Variants in RAI1 observed in about 807,000 individuals in gnomAD.
The protein encoded by RAI1 is retinoic acid induced 1.
RAI1 carries 9 observed loss-of-function variants against 123.8 expected under a neutral mutation model. That is an observed-to-expected ratio of 0.07 (90% CI 0.04 to 0.13). The LOEUF is 0.13. RAI1 is among the 10% of genes least tolerant of loss of function. RAI1 has a pLI of 1.00. For synonymous variants in RAI1, 1,231 were observed against 1,127.3 expected, an observed-to-expected ratio of 1.09 and a Z score of -1.84; for missense variants, 2,256 against 2,545.8, an observed-to-expected ratio of 0.89 and a Z score of 2.45.
chr17:17,767,164 G>A (rs2030970447), intron 2 of RAI1, among the ~76,000 whole-genome samples: 1 of 152,220 alleles, frequency 6.6e-6, no homozygotes, highest in Non-Finnish European at 1.5e-5. Flanking sequence ...AACGAGCCAG[G>A]TGGAAATGTC....
intron 1 of RAI1, among the ~76,000 whole-genome samples, chr17:17,720,110 G>C (rs1419334046): frequency 6.6e-6 from 1 of 152,130 alleles, no homozygotes; most frequent in African/African-American, 2.4e-5. Flanking sequence ...TCCACTGCCT[G>C]CATTCCCTAG....
At chr17:17,743,487 G>T (rs1045389694) in intron 2 of RAI1, among the ~76,000 whole-genome samples, 4 of 152,252 alleles carry the variant, frequency 2.6e-5, no homozygotes, top group African/African-American at 9.6e-5. Flanking sequence ...CTGAGTGGCA[G>T]CGTCCAGGAG....
At chr17:17,689,612 G>T (rs1914769274) in intron 1 of RAI1, among the ~76,000 whole-genome samples, 2 of 152,224 alleles carry the variant, frequency 1.3e-5, no homozygotes, top group Non-Finnish European at 2.9e-5. Flanking sequence ...CAGCTCTAAT[G>T]TAGCATAGTG....
At chr17:17,747,751 A>C (rs1274828837) in intron 2 of RAI1, among the ~76,000 whole-genome samples, 2 of 152,054 alleles carry the variant, frequency 1.3e-5, no homozygotes, top group African/African-American at 4.8e-5. Flanking sequence ...ACATGCAAAA[A>C]ACTTGAAAAG....
chr17:17,691,026 G>T (rs1231497831), intron 1 of RAI1, among the ~76,000 whole-genome samples: 2 of 152,202 alleles, frequency 1.3e-5, no homozygotes, highest in Non-Finnish European at 2.9e-5. Flanking sequence ...TAGGGAAAAT[G>T]AAATTTCTAC....
At chr17:17,718,417 TCA>T (rs1915776339) in intron 1 of RAI1, among the ~76,000 whole-genome samples, 1 of 152,238 alleles carries the variant, frequency 6.6e-6, no homozygotes, top group Non-Finnish European at 1.5e-5. Flanking sequence ...TGTTTTGCTC[TCA>T]GTTTCACATG....
In RAI1 at chr17:17,794,785, G is replaced by A. The variant is rs200955853; in HGVS notation, c.1837G>A (p.Gly613Arg). The A allele has an allele frequency of 9.2e-5, 149 of 1,612,958 alleles. 1 individual carries two copies. Among genetic ancestry groups the A allele is most frequent in the Non-Finnish European group, 1.9e-5 (22 of 1,180,014 alleles). ...AQEDLASEIL[G>R]LQEAIGEKAD... Reference sequence around the variant, plus strand: ...GGAGGACCTGGCCTCCGAGATCCTGGGGCTGCAGGAAGCCATCGGTGAGAA... The same window carrying A: ...GGAGGACCTGGCCTCCGAGATCCTGAGGCTGCAGGAAGCCATCGGTGAGAA... Residue 613 changes from glycine to arginine, a missense_variant, in exon 3 of 6, where the codon GGG becomes AGG. Gly to Arg is a moderately radical substitution (Grantham distance 125). Transcript: ENST00000353383.
rs752806351 is a variant in RAI1 at position 17,793,061 on chromosome 17, T to G, written c.113T>G (p.Leu38Arg). 6.2e-7 allele frequency: 1 copy of G among 1,614,160 alleles called. No individual in the cohort carries two copies. The highest frequency in any genetic ancestry group is 1.1e-5 in the South Asian group (1 of 91,080). ...TACAGGCAGCCGAGTCAGGCCGGGC[T>G]AAGCTGCGACCGGCAGCGGCTGCTC... ...ENYRQPSQAG[L>R]SCDRQRLLAK... Residue 38 changes from leucine to arginine, a missense_variant, in exon 3 of 6, where the codon CTA becomes CGA. Transcript: ENST00000353383.
intron 1 of RAI1, among the ~76,000 whole-genome samples, chr17:17,710,768 C>T (rs1444061717): frequency 2.6e-5 from 4 of 152,230 alleles, no homozygotes; most frequent in Non-Finnish European, 4.4e-5. Context: ...TGAGACAGAG[C>T]CCTCTGGGAA....
intron 1 of RAI1, among the ~76,000 whole-genome samples, chr17:17,696,899 G>A (rs928730251): frequency 1.3e-5 from 2 of 152,208 alleles, no homozygotes; most frequent in African/African-American, 4.8e-5. Context: ...GCCCCTTGTC[G>A]ATCCTGTGAC....
chr17:17,710,886 C>T, intron 1 of RAI1, among the ~76,000 whole-genome samples: 1 of 152,208 alleles, frequency 6.6e-6, no homozygotes, highest in East Asian at 1.9e-4. Flanking sequence ...CATAAGCTAG[C>T]CAGCCTCGTA....
Position 17,794,085 on chromosome 17 carries a change from C to G in RAI1, c.1137C>G (p.Thr379=). Residue 379 remains threonine (T), a synonymous_variant, in exon 3 of 6, where the codon ACC becomes ACG. Transcript: ENST00000353383. ...CCTACAGCCAGCAGCCGCTCAGCAC[C>G]GGGGCCTTCCCCGCAGGGATCACTG... The part of the protein sequence containing the change: ...NFPYSQQPLS[T]GAFPAGITDH... The G allele has an allele frequency of 6.2e-7, 1 of 1,614,066 alleles. No homozygotes were observed. The highest frequency in any genetic ancestry group is 2.2e-5 in the East Asian group (1 of 44,878).
In RAI1 at chr17:17,793,121, G is replaced by T. The variant is rs1488017236; in HGVS notation, c.173G>T (p.Ser58Ile). Residue 58 changes from serine (S) to isoleucine (I), a missense_variant, in exon 3 of 6, where the codon AGC (serine) becomes ATC (isoleucine). Physicochemically the swap from Ser to Ile is moderately radical, Grantham distance 142. Coordinates refer to ENST00000353383, the MANE Select transcript of RAI1 (RefSeq NM_030665.4). ...KDYYNPQPYP[S>I]YEGGAGTPSG... is the part of the protein sequence containing the mutation. Reference sequence around the variant, plus strand: ...TATTATAACCCGCAGCCTTACCCGAGCTATGAGGGTGGCGCTGGCACGCCC... The same window carrying T: ...TATTATAACCCGCAGCCTTACCCGATCTATGAGGGTGGCGCTGGCACGCCC... 1.9e-6 allele frequency: 3 copies of T among 1,614,052 alleles called. No individual in the cohort carries two copies. The highest frequency in any genetic ancestry group is 2.5e-6 in the Non-Finnish European group (3 of 1,180,042).
At position 17,796,741 on chromosome 17, in the gene RAI1, G is replaced by A. The variant is rs754355523; in HGVS notation, c.3793G>A (p.Gly1265Ser). 5 of 1,613,478 alleles carry A rather than the reference G, an allele frequency of 3.1e-6. No homozygotes were observed. In the South Asian group the frequency reaches 5.5e-5, roughly 18 times the overall value. Residue 1265 changes from glycine to serine, a missense_variant, in exon 3 of 6, where the codon GGT becomes AGT. By Grantham distance (56) the Gly-to-Ser change is moderately conservative. Transcript: ENST00000353383. The surrounding 1 kb of genome is among the most constrained non-coding windows in gnomAD (Gnocchi z 5.8). ...GGDGKEERPE[G>S]SPTLFKRMSS... ...AGATGGGAAGGAGGAGAGGCCTGAG[G>A]GTTCCCCCACCCTCTTCAAGAGGAT...
chr17:17,684,081 A>G (rs2350633), intron 1 of RAI1: 60,524 of 151,432 alleles, frequency 0.4, 13,070 homozygotes, highest in Middle Eastern at 0.52. Flanking sequence ...GGGTCTTGCC[A>G]TGGCTGGTCT....
At chr17:17,791,987 G>A (rs1300129343) in intron 2 of RAI1, among the ~76,000 whole-genome samples, 1 of 152,174 alleles carries the variant, frequency 6.6e-6, no homozygotes, top group Non-Finnish European at 1.5e-5. Context: ...GCCCTCACCT[G>A]CTGAGGTGGG....
intron 2 of RAI1, among the ~76,000 whole-genome samples, chr17:17,752,763 CCTT>C (rs2030259400): frequency 1.3e-5 from 2 of 152,236 alleles, no homozygotes; most frequent in African/African-American, 4.8e-5. Flanking sequence ...CTCTTAAAGT[CCTT>C]CTTTCCGGCC....
chr17:17,706,872 G>A (rs1915411840), intron 1 of RAI1, among the ~76,000 whole-genome samples: 1 of 152,248 alleles, frequency 6.6e-6, no homozygotes, highest in South Asian at 2.1e-4. Context: ...CTGGTCTTGT[G>A]TAACAGGAAT....
intron 2 of RAI1, among the ~76,000 whole-genome samples, chr17:17,735,871 G>T (rs1916417597): frequency 6.6e-6 from 1 of 152,228 alleles, no homozygotes; most frequent in Admixed American, 6.5e-5. Flanking sequence ...AACCCAGCCT[G>T]GTTGGAGGGA....
Sources: gnomAD v4.1 joint callset for allele counts (sites outside exome capture counted in the v4.1 genomes callset) on GRCh38, gnomAD v4.1.1 for gene constraint, Gnocchi (gnomAD v3.1) non-coding constraint, MANE v1.5 for transcripts, NCBI Gene and HGNC (gene_info 2026-07-23, HGNC 2026-07-21) for gene names.